SAR1A: variants seen among roughly 807,000 people sequenced by gnomAD.
The protein encoded by SAR1A is small COPII coat GTPase SAR1A.
Under a neutral mutation model 22.6 loss-of-function variants are expected in SAR1A, and 6 were observed. That is an observed-to-expected ratio of 0.27 (90% CI 0.15 to 0.52). The LOEUF (loss-of-function observed/expected upper bound fraction) is 0.52. Ranked by LOEUF, SAR1A falls within the 20% of genes least tolerant of loss-of-function variation. The pLI, the probability that SAR1A is intolerant of heterozygous loss-of-function variation, is 0.96. For synonymous variants in SAR1A, 70 were observed against 82.2 expected (o/e 0.85, Z 0.80); for missense variants, 145 against 245.1 (o/e 0.59, Z 2.73).
rs774702656 is a variant in SAR1A, at chr10:70,157,793, G to A, written c.319C>T (p.Arg107Cys). ...VFLVDCADHS[R>C]LVESKVELNA... ...AGCTCAACTTTGGATTCCACGAGGC[G>A]AGAATGATCTGCACAGTCCACCAGA... is the stretch of plus-strand genomic sequence containing the variant. The change falls in exon 5 of 7, where the codon CGC (arginine) becomes TGC (cysteine). Residue 107 changes from arginine to cysteine, a missense_variant. Transcript: ENST00000373241. 7 of 1,613,630 alleles carry A rather than the reference G, an allele frequency of 4.3e-6. No individual in the cohort carries two copies. The highest frequency in any genetic ancestry group is 1.1e-5 in the South Asian group (1 of 91,048).
At chr10:70,153,697 T>C in intron 6 of SAR1A, 141 bp downstream of exon 6, 1 of 584,700 alleles carries the variant, frequency 1.7e-6, no homozygotes, top group East Asian at 3.1e-5. Context: ...CTGCCTCTAG[T>C]GAGCTTACAA....
intron 1 of SAR1A, among the ~76,000 whole-genome samples, chr10:70,165,968 C>A (rs1589879210): frequency 6.6e-6 from 1 of 152,354 alleles, no homozygotes; most frequent in East Asian, 1.9e-4. Flanking sequence ...CAACAGCTAT[C>A]AACGTGGAGT....
Position 70,170,466 on chromosome 10 carries a change from G to A in SAR1A, c.-70C>T, listed in dbSNP as rs915734994. On this transcript the variant is annotated 5_prime_UTR_variant, in exon 1 of 7. Transcript: ENST00000373241. Reference sequence around the variant, plus strand: ...CGGCTGGCTCGGACCCTCCCTCAGAGCACACTAACCAGCAGCACCCGGGAC... The same window carrying A: ...CGGCTGGCTCGGACCCTCCCTCAGAACACACTAACCAGCAGCACCCGGGAC... The A allele has an allele frequency of 2.6e-5, 4 of 152,310 alleles. No homozygotes were observed. The highest frequency in any genetic ancestry group is 7.2e-5 in the African/African-American group (3 of 41,388). 9.4% of individuals were successfully genotyped at this position (152,310 alleles called of 1,614,324 possible).
At chr10:70,153,808 T>C in intron 6 of SAR1A, 30 bp downstream of exon 6, 2 of 1,556,240 alleles carry the variant, frequency 1.3e-6, no homozygotes, top group Non-Finnish European at 1.7e-6. Context: ...TTAATGTCCT[T>C]TATATGTAAC....
rs201493587 is a variant in SAR1A at position 70,151,259 on chromosome 10, CAAAAAAAAAAAAAAAAA to C, written c.*1200_*1216del. The C allele has an allele frequency of 1.4e-5, 1 of 70,388 alleles. No individual in the cohort carries two copies. Among genetic ancestry groups the C allele is most frequent in the Non-Finnish European group, 2.6e-5 (1 of 38,030 alleles). The allele number at this position is 70,388 out of a possible 1,614,324, so 4.4% of individuals were successfully genotyped here. On this transcript the variant is annotated 3_prime_UTR_variant, in exon 7 of 7. Coordinates refer to ENST00000373241, the MANE Select transcript of SAR1A (RefSeq NM_020150.5). Reference sequence around the variant, plus strand: ...GCAATGGAGAAAGACAATTTCATACCAAAAAAAAAAAAAAAAAAAAAAAAACCTGGAAAAGCTACAGA... The same window carrying C: ...GCAATGGAGAAAGACAATTTCATACCAAAAAAAACCTGGAAAAGCTACAGA...
rs146137200 is a variant in SAR1A, at chr10:70,162,938, C to T, written c.-16-1007G>A. On this transcript the variant is annotated intron_variant, in intron 1 of 6. Transcript: ENST00000373241. ...TACTAGTATAATTGTTTTGTTGTGC[C>T]ACAAACCACAACCATAGAAGACAGC... The T allele has an allele frequency of 1.2e-4, 18 of 152,204 alleles. No individual in the cohort carries two copies. The East Asian group carries it at 3.3e-3, about 28-fold the overall frequency. The allele number at this position is 152,204 out of a possible 1,614,324, so 9.4% of individuals were successfully genotyped here. A position where few individuals can be genotyped will look rare whatever the true frequency, so the allele number is the denominator to read the frequency against.
At chr10:70,165,260 G>A (rs534159809) in intron 1 of SAR1A, among the ~76,000 whole-genome samples, 4,689 of 72,050 alleles carry the variant, frequency 0.065, 102 homozygotes, top group East Asian at 0.078. Flanking sequence ...GCGAGACTCC[G>A]TCTCAAAAAA....
Position 70,153,901 on chromosome 10 carries a change from T to G in SAR1A, c.417A>C (p.Thr139=). The change falls in exon 6 of 7, where the codon ACA becomes ACC. Residue 139 remains threonine (T), a synonymous_variant. Coordinates refer to ENST00000373241, the MANE Select transcript of SAR1A (RefSeq NM_020150.5). ...GGAGTTTTTCTTCACTGATTGCATCTGTTCTGTCAATTTTGTTACCCAAGA... is the reference window on the plus strand; with the variant it reads ...GGAGTTTTTCTTCACTGATTGCATCGGTTCTGTCAATTTTGTTACCCAAGA... The part of the protein sequence containing the change: ...ILILGNKIDR[T]DAISEEKLRE... 1 of 1,610,178 alleles carries G rather than the reference T, an allele frequency of 6.2e-7. No individual in the cohort carries two copies. Among genetic ancestry groups the G allele is most frequent in the South Asian group, 1.1e-5 (1 of 90,282 alleles).
At chr10:70,165,412 C>T (rs1046346519) in intron 1 of SAR1A, among the ~76,000 whole-genome samples, 1 of 152,044 alleles carries the variant, frequency 6.6e-6, no homozygotes, top group Non-Finnish European at 1.5e-5. Context: ...TTATGATTCA[C>T]GGGAAGAGGT....
chr10:70,163,764 C>A, intron 1 of SAR1A: 1 of 1,029,198 alleles, frequency 9.7e-7, no homozygotes. Context: ...GGTGATGGAA[C>A]TATAACAACA....
chr10:70,159,994 C>G (rs1158334776), intron 4 of SAR1A, among the ~76,000 whole-genome samples: 2 of 152,194 alleles, frequency 1.3e-5, no homozygotes, highest in Non-Finnish European at 2.9e-5. Context: ...AAAATATCAA[C>G]TTGTATCAGA....
chr10:70,162,856 AC>A (rs370113117), intron 1 of SAR1A: 21 of 152,302 alleles, frequency 1.4e-4, no homozygotes, highest in African/African-American at 5.1e-4. Flanking sequence ...AATATTTCAA[AC>A]TTTTTCATTA....
At chr10:70,162,139 C>T (rs1300985179) in intron 1 of SAR1A, among the ~76,000 whole-genome samples, 4 of 151,978 alleles carry the variant, frequency 2.6e-5, no homozygotes, top group Non-Finnish European at 5.9e-5. Flanking sequence ...CAGGAGTTCA[C>T]AACTGGCCTG....
intron 5 of SAR1A, among the ~76,000 whole-genome samples, chr10:70,156,839 GT>G (rs1839394824): frequency 6.6e-6 from 1 of 152,090 alleles, no homozygotes; most frequent in African/African-American, 2.4e-5. Flanking sequence ...GAGATATAGG[GT>G]AAAGGAGTAG....
chr10:70,152,335 G>A lies in SAR1A; in HGVS notation c.*141C>T, dbSNP rs1839335906. On this transcript the variant is annotated 3_prime_UTR_variant, in exon 7 of 7. Transcript: ENST00000373241. ...AGCACATGTCACCACTGGGCAATGAGAGAGTTGACAGAGACTCTTGGCTTC... is the reference window on the plus strand; with the variant it reads ...AGCACATGTCACCACTGGGCAATGAAAGAGTTGACAGAGACTCTTGGCTTC... 5 of 896,938 alleles carry A rather than the reference G, an allele frequency of 5.6e-6. No individual in the cohort carries two copies. 55.6% of individuals were successfully genotyped at this position (896,938 alleles called of 1,614,324 possible). A position where few individuals can be genotyped will look rare whatever the true frequency, so the allele number is the denominator to read the frequency against.
rs74325483 is a variant in SAR1A at position 70,153,725 on chromosome 10, T to C, written c.480+113A>G. ...GCTTACAAAATACTCACAGTAAAAC[T>C]AATCCTAAGCCTGTTTAAGCCTTTA... On this transcript the variant is annotated intron_variant, in intron 6 of 6. Transcript: ENST00000373241. The C allele has an allele frequency of 1.4e-5, 12 of 853,804 alleles. No individual in the cohort carries two copies. In the East Asian group the frequency reaches 3.4e-4, roughly 24 times the overall value. The allele number at this position is 853,804 out of a possible 1,614,324, so 52.9% of individuals were successfully genotyped here.
At chr10:70,161,172 G>A (rs1439690789) in intron 3 of SAR1A, 103 bp from the exon 4 acceptor site, 6 of 874,690 alleles carry the variant, frequency 6.9e-6, no homozygotes, top group Non-Finnish European at 1.1e-5. Flanking sequence ...TAAAGAAAAA[G>A]ATACAAGAAG....
intron 6 of SAR1A, 32 bp downstream of exon 6, chr10:70,153,806 C>T (rs1301510315): frequency 6.5e-7 from 1 of 1,548,544 alleles, no homozygotes; most frequent in Non-Finnish European, 8.7e-7. Flanking sequence ...TGTTAATGTC[C>T]TTTATATGTA....
chr10:70,160,352 T>C (rs1054028827), intron 4 of SAR1A, among the ~76,000 whole-genome samples: 36 of 151,768 alleles, frequency 2.4e-4, no homozygotes, highest in African/African-American at 6.8e-4. Flanking sequence ...AACACTTCAT[T>C]AAAAACAAGC....
Sources: allele counts gnomAD v4.1 joint callset (sites outside exome capture counted in the v4.1 genomes callset), GRCh38; gene constraint gnomAD v4.1.1; transcripts MANE v1.5; gene names NCBI Gene and HGNC (gene_info 2026-07-23, HGNC 2026-07-21).